The following ERBB2 variants were observed in gnomAD, a reference collection of about 807,000 sequenced individuals.
ERBB2 encodes erb-b2 receptor tyrosine kinase 2.
A neutral mutation model predicts 149.0 loss-of-function variants in ERBB2; 61 were observed. That is an observed-to-expected ratio of 0.41 (90% confidence interval 0.33 to 0.51). The LOEUF is 0.51. ERBB2 is among the 20% of genes least tolerant of loss of function. The pLI is 0.25. For missense variants in ERBB2, 1,205 were observed against 1,655.1 expected (o/e 0.73, Z 4.72); for synonymous variants, 633 against 678.8 (o/e 0.93, Z 1.05).
At position 39,717,347 on chromosome 17, in the gene ERBB2, C is replaced by A. The variant is rs1237088846; in HGVS notation, c.1765C>A (p.His589Asn). The change falls in exon 15 of 27, where the codon CAC becomes AAC. Residue 589 changes from histidine to asparagine, a missense_variant. This residue lies in a region of ERBB2 where 569 missense variants were observed against 803.5 expected (regional missense o/e 0.71). Transcript: ENST00000269571. ...GGCTGACCAGTGTGTGGCCTGTGCC[C>A]ACTATAAGGACCCTCCCTTCTGCGT... is the stretch of plus-strand genomic sequence containing the variant. ...PEADQCVACA[H>N]YKDPPFCVAR... The A allele has an allele frequency of 6.2e-7, 1 of 1,612,412 alleles. No homozygotes were observed. The highest frequency in any genetic ancestry group is 8.5e-7 in the Non-Finnish European group (1 of 1,179,920).
upstream of ERBB2, among the ~76,000 whole-genome samples, chr17:39,690,952 G>A (rs570332032): frequency 1.2e-3 from 185 of 151,178 alleles, 2 homozygotes; most frequent in Non-Finnish European, 2.0e-3. Context: ...TCAGGAGTTC[G>A]AGACCAGCCT....
upstream of ERBB2, chr17:39,694,751 A>G (rs929493682): frequency 3.3e-5 from 5 of 152,226 alleles, no homozygotes; most frequent in African/African-American, 1.2e-4. Flanking sequence ...CCAGTGGTCT[A>G]TACCTCCAGC....
intron 12 of ERBB2, 62 bp downstream of exon 12, chr17:39,716,001 G>A (rs905861369): frequency 6.6e-7 from 1 of 1,514,886 alleles, no homozygotes; most frequent in Non-Finnish European, 9.0e-7. Flanking sequence ...TGCCCAGGGG[G>A]CCCTGGCAGC....
At chr17:39,704,522 G>A (rs908609750) in intron 1 of ERBB2, among the ~76,000 whole-genome samples, 3 of 152,066 alleles carry the variant, frequency 2.0e-5, no homozygotes, top group Non-Finnish European at 2.9e-5. Flanking sequence ...GCAGTGAGCC[G>A]AGATTGCGCC....
chr17:39,711,354 G>A (rs1336969413), intron 7 of ERBB2, among the ~76,000 whole-genome samples: 1 of 151,986 alleles, frequency 6.6e-6, no homozygotes, highest in Non-Finnish European at 1.5e-5. Flanking sequence ...ACCATGGCTG[G>A]GTAATTTTTG....
At chr17:39,720,003 C>T in intron 16 of ERBB2, 169 bp downstream of exon 16, 1 of 662,316 alleles carries the variant, frequency 1.5e-6, no homozygotes, top group Non-Finnish European at 2.7e-6. Flanking sequence ...AGAGGACCTG[C>T]TCAGATGCTG....
Position 39,707,289 on chromosome 17 carries a change from C to T in ERBB2, c.225+148C>T, listed in dbSNP as rs965200569. ...CCAGGAAGTCCTTTCTAACATCTAA[C>T]CCCCATTCATTTTACTGCAGAATCA... On this transcript the variant is annotated intron_variant, in intron 2 of 26. Transcript: ENST00000269571. The T allele has an allele frequency of 1.5e-5, 10 of 645,748 alleles. No homozygotes were observed. The Admixed American group carries it at 2.8e-4, about 18-fold the overall frequency. 40.0% of individuals were successfully genotyped at this position (645,748 alleles called of 1,614,324 possible). A position where few individuals can be genotyped will look rare whatever the true frequency, so the allele number is the denominator to read the frequency against.
chr17:39,709,934 G>A (rs1474098494), intron 5 of ERBB2, 53 bp downstream of exon 5: 7 of 1,557,038 alleles, frequency 4.5e-6, no homozygotes, highest in African/African-American at 1.4e-5. Context: ...GGGCCGGGTG[G>A]AATGCAGGTG....
rs2143151099 is a variant in ERBB2, at chr17:39,726,706, T to C, written c.2970+47T>C. On this transcript the variant is annotated intron_variant, in intron 24 of 26. Coordinates refer to ENST00000269571, the MANE Select transcript of ERBB2 (RefSeq NM_004448.4). The surrounding 1 kb of genome is among the most constrained non-coding windows in gnomAD (Gnocchi z 5.1). ...TCCCTGCCTGTGGCTAAGAGCACCCTCCTGCAGAGGGTGGGAAGGAGAGAT... is the reference window on the plus strand; with the variant it reads ...TCCCTGCCTGTGGCTAAGAGCACCCCCCTGCAGAGGGTGGGAAGGAGAGAT... 2 of 1,600,902 alleles carry C rather than the reference T, an allele frequency of 1.2e-6. No homozygotes were observed. The highest frequency in any genetic ancestry group is 2.2e-5 in the East Asian group (1 of 44,828).
chr17:39,725,958 A>T lies in ERBB2; in HGVS notation c.2872+105A>T. 1 of 1,248,380 alleles carries T rather than the reference A, an allele frequency of 8.0e-7. No homozygotes were observed. The highest frequency in any genetic ancestry group is 1.1e-6 in the Non-Finnish European group (1 of 881,230). The allele number at this position is 1,248,380 out of a possible 1,614,324, so 77.3% of individuals were successfully genotyped here. On this transcript the variant is annotated intron_variant, in intron 23 of 26. Coordinates refer to ENST00000269571, the MANE Select transcript of ERBB2 (RefSeq NM_004448.4). This position sits in a 1 kb window ranked among gnomAD's most constrained non-coding sequence, Gnocchi z 4.6. ...GGACCAGGATGTATGTAGACCCAGG[A>T]GCCCTAGTATGTTAGGAGCCTCAAA...
In ERBB2 at chr17:39,726,076, G is replaced by A. The variant is rs1015591683; in HGVS notation, c.2872+223G>A. The A allele has an allele frequency of 7.6e-6, 4 of 528,142 alleles. No homozygotes were observed. The African/African-American group carries it at 7.8e-5, about 10-fold the overall frequency. 32.7% of individuals were successfully genotyped at this position (528,142 alleles called of 1,614,324 possible). A position where few individuals can be genotyped will look rare whatever the true frequency, so the allele number is the denominator to read the frequency against. ...AAGCTGGGCACAGTGGCTCATGCCTGTAATCCCAGTACTTTTGGAGGCTGA... is the reference window on the plus strand; with the variant it reads ...AAGCTGGGCACAGTGGCTCATGCCTATAATCCCAGTACTTTTGGAGGCTGA... On this transcript the variant is annotated intron_variant, in intron 23 of 26. Coordinates refer to ENST00000269571, the MANE Select transcript of ERBB2 (RefSeq NM_004448.4). The surrounding 1 kb of genome is among the most constrained non-coding windows in gnomAD (Gnocchi z 5.1).
chr17:39,714,021 G>C (rs987136989), intron 9 of ERBB2, among the ~76,000 whole-genome samples: 8 of 141,614 alleles, frequency 5.6e-5, no homozygotes, highest in African/African-American at 5.3e-5. Flanking sequence ...TCATGTCACT[G>C]TACTCCAGCC....
intron 14 of ERBB2, chr17:39,716,868 G>A: frequency 1.9e-6 from 1 of 524,866 alleles, no homozygotes; most frequent in Non-Finnish European, 3.4e-6. Context: ...GAGCCCTGTG[G>A]GCTCAGGCGT....
At position 39,719,850 on chromosome 17, in the gene ERBB2, A is replaced by T. The variant is rs910049361; in HGVS notation, c.1946+16A>T. 1 of 1,613,672 alleles carries T rather than the reference A, an allele frequency of 6.2e-7. No homozygotes were observed. Among genetic ancestry groups the T allele is most frequent in the African/African-American group, 1.3e-5 (1 of 74,928 alleles). On this transcript the variant is annotated intron_variant, in intron 16 of 26. Coordinates refer to ENST00000269571, the MANE Select transcript of ERBB2 (RefSeq NM_004448.4). ...AGAGAGCCAGGTTGGCCTGGACCCC[A>T]GGATGTACCCTTCATTGCCCTTCAC...
chr17:39,722,106 C>T (rs1039024973), intron 16 of ERBB2, among the ~76,000 whole-genome samples: 1 of 151,924 alleles, frequency 6.6e-6, no homozygotes, highest in Non-Finnish European at 1.5e-5. Context: ...TTAGTAGAGA[C>T]GGGGTTTCTC....
In ERBB2 at chr17:39,715,307, C is replaced by G. The variant is rs544011927; in HGVS notation, c.1170C>G (p.Ala390=). The G allele has an allele frequency of 6.2e-7, 1 of 1,614,028 alleles. No homozygotes were observed. The highest frequency in any genetic ancestry group is 8.5e-7 in the Non-Finnish European group (1 of 1,179,938). Residue 390 remains alanine, a synonymous_variant, in exon 10 of 27, where the codon GCC becomes GCG. Coordinates refer to ENST00000269571, the MANE Select transcript of ERBB2 (RefSeq NM_004448.4). Reference sequence around the variant, plus strand: ...CCAGGGACCCAGCCTCCAACACTGCCCCGCTCCAGCCAGAGCAGCTCCAAG... The same window carrying G: ...CCAGGGACCCAGCCTCCAACACTGCGCCGCTCCAGCCAGAGCAGCTCCAAG... The part of the protein sequence containing the change: ...SFDGDPASNT[A]PLQPEQLQVF...
intron 3 of ERBB2, among the ~76,000 whole-genome samples, chr17:39,708,916 A>T (rs192059304): frequency 1.4e-4 from 22 of 152,302 alleles, no homozygotes; most frequent in African/African-American, 5.3e-4. Flanking sequence ...GGAAAAAATC[A>T]GTGTTATTCT....
At chr17:39,698,906 C>A (rs1597848741), upstream of ERBB2, among the ~76,000 whole-genome samples, 1 of 147,426 alleles carries the variant, frequency 6.8e-6, no homozygotes, top group African/African-American at 2.5e-5. Flanking sequence ...TTCAGATAAA[C>A]AATGAATAAT....
upstream of ERBB2, among the ~76,000 whole-genome samples, chr17:39,694,254 T>C (rs1412899717): frequency 2.6e-4 from 7 of 26,902 alleles, 1 homozygote; most frequent in East Asian, 1.1e-3. Flanking sequence ...TATATATATA[T>C]ATATATATAT....
Sources: allele counts gnomAD v4.1 joint callset (sites outside exome capture counted in the v4.1 genomes callset), GRCh38; gene constraint gnomAD v4.1.1; regional missense constraint gnomAD v4.1.1; non-coding constraint Gnocchi (gnomAD v3.1); transcripts MANE v1.5; gene names NCBI Gene and HGNC (gene_info 2026-07-23, HGNC 2026-07-21).